The following DOCK11 variants were observed in gnomAD, a reference collection of about 807,000 sequenced individuals.
The protein encoded by DOCK11 is dedicator of cytokinesis protein 11.
In DOCK11, 70 loss-of-function variants were observed where a neutral mutation model predicts 169.1. The observed-to-expected ratio is 0.41, with a 90% CI of 0.34 to 0.51. The LOEUF is 0.51. DOCK11 is among the 20% of genes least tolerant of loss of function. The pLI, the probability that DOCK11 is intolerant of heterozygous loss-of-function variation, is 0.10. For synonymous variants in DOCK11, 529 were observed against 541.3 expected (o/e 0.98, Z 0.32); for missense variants, 1,166 against 1,538.8 (o/e 0.76, Z 4.05).
At chrX:118,552,219 C>T (rs1261191051) in intron 6 of DOCK11, among the ~76,000 whole-genome samples, 1 of 111,974 alleles carries the variant, frequency 8.9e-6, no homozygotes, top group Non-Finnish European at 1.9e-5. Flanking sequence ...AAAGCAACCA[C>T]ATGGCCTTTA....
chrX:118,536,330 CATT>C (rs1035011116), intron 1 of DOCK11, among the ~76,000 whole-genome samples: 2 of 110,927 alleles, frequency 1.8e-5, no homozygotes, highest in African/African-American at 6.6e-5. Flanking sequence ...GTTATGGTTC[CATT>C]ATTGACATGC....
intron 1 of DOCK11, among the ~76,000 whole-genome samples, chrX:118,519,527 T>G (rs1047496869): frequency 8.9e-6 from 1 of 111,859 alleles, no homozygotes; most frequent in Admixed American, 9.5e-5. Flanking sequence ...CAACAGAGCT[T>G]GACTCTGTCT....
intron 40 of DOCK11, among the ~76,000 whole-genome samples, chrX:118,644,752 G>A (rs1458294839): frequency 8.9e-6 from 1 of 112,013 alleles, no homozygotes; most frequent in Non-Finnish European, 1.9e-5. Flanking sequence ...AGATGTAAAT[G>A]GAGTACAGAT....
At chrX:118,595,229 C>T (rs1360831194) in intron 20 of DOCK11, among the ~76,000 whole-genome samples, 1 of 111,510 alleles carries the variant, frequency 9.0e-6, no homozygotes, top group Non-Finnish European at 1.9e-5. Context: ...CACACTATGG[C>T]AGTAGCAGCG....
At chrX:118,667,481 T>A (rs947271848) in intron 45 of DOCK11, among the ~76,000 whole-genome samples, 2 of 109,456 alleles carry the variant, frequency 1.8e-5, no homozygotes, top group African/African-American at 6.6e-5. Context: ...TTTTGTCACG[T>A]TGAATTTACT....
intron 40 of DOCK11, among the ~76,000 whole-genome samples, chrX:118,646,126 G>A (rs1216513937): frequency 9.1e-6 from 1 of 109,810 alleles, no homozygotes; most frequent in African/African-American, 3.3e-5. Context: ...TTGAAAAGGG[G>A]CCAGCTGTAA....
chrX:118,663,810 G>A (rs2016278963), intron 45 of DOCK11, among the ~76,000 whole-genome samples: 2 of 108,066 alleles, frequency 1.9e-5, no homozygotes, highest in African/African-American at 3.4e-5. Flanking sequence ...GAGTACCAGG[G>A]ACTACAGGCG....
intron 35 of DOCK11, among the ~76,000 whole-genome samples, chrX:118,630,720 T>C (rs1045889444): frequency 8.9e-6 from 1 of 112,645 alleles, no homozygotes; most frequent in African/African-American, 3.2e-5. Context: ...ATTTTGCAAA[T>C]GAATTTCTAA....
chrX:118,497,913 C>T (rs2057548205), intron 1 of DOCK11, among the ~76,000 whole-genome samples: 1 of 112,345 alleles, frequency 8.9e-6, no homozygotes, highest in Admixed American at 9.4e-5. Context: ...ATTCTTTCCC[C>T]TGTTTTTAGG....
chrX:118,669,631 C>T (rs1265807339), intron 45 of DOCK11, among the ~76,000 whole-genome samples: 1 of 111,827 alleles, frequency 8.9e-6, no homozygotes, highest in Non-Finnish European at 1.9e-5. Flanking sequence ...TAATACCATC[C>T]CCTTGGGGGT....
chrX:118,672,551 G>A (rs1258618186), intron 46 of DOCK11, among the ~76,000 whole-genome samples: 2 of 112,748 alleles, frequency 1.8e-5, no homozygotes, highest in African/African-American at 3.2e-5. Context: ...TCCTGCTTCA[G>A]CCTCCTGAGT....
chrX:118,535,629 G>A (rs2011728406), intron 1 of DOCK11, among the ~76,000 whole-genome samples: 1 of 111,385 alleles, frequency 9.0e-6, no homozygotes, highest in Non-Finnish European at 1.9e-5. Flanking sequence ...TAAGAATCAG[G>A]TGAGCTAAGT....
At chrX:118,526,913 T>C (rs762862064) in intron 1 of DOCK11, among the ~76,000 whole-genome samples, 12 of 112,099 alleles carry the variant, frequency 1.1e-4, no homozygotes, top group Non-Finnish European at 2.1e-4. Flanking sequence ...TAGTGAAATA[T>C]GTAAGCAGCA....
intron 19 of DOCK11, among the ~76,000 whole-genome samples, chrX:118,591,947 G>A (rs1216653313): frequency 9.4e-6 from 1 of 106,003 alleles, no homozygotes; most frequent in Non-Finnish European, 1.9e-5. Context: ...CCATGTCCCT[G>A]CAAAGGACAT....
intron 48 of DOCK11, among the ~76,000 whole-genome samples, 154 bp downstream of exon 48, chrX:118,676,891 C>G (rs186667027): frequency 9.0e-6 from 1 of 111,315 alleles, no homozygotes; most frequent in Admixed American, 9.6e-5. Context: ...GTCAGAGATA[C>G]CAAGCTTCAA....
chrX:118,641,696 T>C (rs749478597), intron 39 of DOCK11, among the ~76,000 whole-genome samples: 55 of 111,577 alleles, frequency 4.9e-4, no homozygotes, highest in African/African-American at 1.6e-3. Flanking sequence ...CTGGCTGGCT[T>C]CCCTAGGCGC....
chrX:118,629,803 C>T (rs1409296488), intron 34 of DOCK11, among the ~76,000 whole-genome samples: 3 of 98,009 alleles, frequency 3.1e-5, no homozygotes, highest in Non-Finnish European at 6.1e-5. Context: ...CATGCACCAT[C>T]ACACCCAGCT....
At chrX:118,580,347 G>A (rs111302069) in intron 14 of DOCK11, among the ~76,000 whole-genome samples, 168 bp downstream of exon 14, 2,611 of 111,455 alleles carry the variant, frequency 0.023, 54 homozygotes, top group East Asian at 0.11. Flanking sequence ...ACGGAGTTTC[G>A]CTCTTGTTGC....
chrX:118,516,099 T>C (rs1231850788), intron 1 of DOCK11, among the ~76,000 whole-genome samples: 6 of 81,940 alleles, frequency 7.3e-5, no homozygotes, highest in Non-Finnish European at 1.4e-4. Context: ...TTTTCTTTTT[T>C]TTTTTTTTTT....
Sources: allele counts gnomAD v4.1 joint callset (sites outside exome capture counted in the v4.1 genomes callset), GRCh38; gene constraint gnomAD v4.1.1; transcripts MANE v1.5; gene names NCBI Gene and HGNC (gene_info 2026-07-23, HGNC 2026-07-21).